TGM3: variants seen among roughly 807,000 people sequenced by gnomAD.
TGM3 encodes protein-glutamine gamma-glutamyltransferase E.
TGM3 carries 52 observed loss-of-function variants against 73.8 expected under a neutral mutation model. That is an observed-to-expected ratio of 0.70 (90% confidence interval 0.56 to 0.89). The LOEUF is 0.89. Ranked by LOEUF, TGM3 falls within the 40% of genes least tolerant of loss-of-function variation. TGM3 has a pLI of 0.00. For synonymous variants in TGM3, 372 were observed against 354.9 expected, an observed-to-expected ratio of 1.05 and a Z score of -0.54; for missense variants, 928 against 909.9, an observed-to-expected ratio of 1.02 and a Z score of -0.26.
At chr20:2,325,115 T>C (rs1401726273) in intron 7 of TGM3, among the ~76,000 whole-genome samples, 1 of 152,194 alleles carries the variant, frequency 6.6e-6, no homozygotes, top group Non-Finnish European at 1.5e-5. Context: ...GACTAGAACT[T>C]GGATTTATGT....
Position 2,332,586 on chromosome 20 carries a change from C to T in TGM3, c.1642+276C>T, listed in dbSNP as rs1037640052. On this transcript the variant is annotated intron_variant, in intron 10 of 12. Coordinates refer to ENST00000381458, the MANE Select transcript of TGM3 (RefSeq NM_003245.4). The surrounding 1 kb of genome is among the most constrained non-coding windows in gnomAD (Gnocchi z 4.4). Reference sequence around the variant, plus strand: ...CAGTTCATAGCTATGGCACAATATCCCTTACAAGTATATACCACCTCACAC... The same window carrying T: ...CAGTTCATAGCTATGGCACAATATCTCTTACAAGTATATACCACCTCACAC... 6.6e-6 allele frequency among the ~76,000 whole-genome samples: 1 copy of T among 152,092 alleles called. No individual in the cohort carries two copies. The highest frequency in any genetic ancestry group is 2.4e-5 in the African/African-American group (1 of 41,400).
rs1401952629 is a variant in TGM3, at chr20:2,334,367, G to A, written c.1643-749G>A. ...GATTTTTGAAGTCACATGTGACACA[G>A]AAGAAGAGTGATTTAGAAAACAAAA... On this transcript the variant is annotated intron_variant, in intron 10 of 12. Transcript: ENST00000381458. The surrounding 1 kb of genome is among the most constrained non-coding windows in gnomAD (Gnocchi z 4.0). Among the ~76,000 whole-genome samples the A allele has an allele frequency of 6.6e-6, 1 of 152,224 alleles. No individual in the cohort carries two copies. The highest frequency in any genetic ancestry group is 2.4e-5 in the African/African-American group (1 of 41,452).
chr20:2,336,017 A>C lies in TGM3; in HGVS notation c.1800+744A>C, dbSNP rs117180488. Among the ~76,000 whole-genome samples the C allele has an allele frequency of 2.2e-4, 34 of 152,364 alleles. No individual in the cohort carries two copies. The East Asian group carries it at 6.6e-3, about 29-fold the overall frequency. On this transcript the variant is annotated intron_variant, in intron 11 of 12. Coordinates refer to ENST00000381458, the MANE Select transcript of TGM3 (RefSeq NM_003245.4). The stretch of plus-strand genomic sequence containing the variant: ...AGCAACAGCATCTTCAAAGTGGCTG[A>C]GAACAAAGACCCCTCTTTCTCTGCT...
chr20:2,298,489 G>T (rs1477825829), intron 1 of TGM3, among the ~76,000 whole-genome samples: 4 of 152,184 alleles, frequency 2.6e-5, no homozygotes, highest in Non-Finnish European at 4.4e-5. Flanking sequence ...CTCTGTTTTG[G>T]GGACTAATGG....
chr20:2,340,695 A>T lies in TGM3; in HGVS notation c.*114A>T. On this transcript the variant is annotated 3_prime_UTR_variant, in exon 13 of 13. Coordinates refer to ENST00000381458, the MANE Select transcript of TGM3 (RefSeq NM_003245.4). The stretch of plus-strand genomic sequence containing the variant: ...CCTGGGAAACCCTCTCCATCTCCCA[A>T]GGCTGCCAGACATGGACCTCCAGGC... 1 of 1,417,722 alleles carries T rather than the reference A, an allele frequency of 7.1e-7. No homozygotes were observed. Among genetic ancestry groups the T allele is most frequent in the Non-Finnish European group, 9.7e-7 (1 of 1,029,004 alleles). The allele number at this position is 1,417,722 out of a possible 1,614,324, so 87.8% of individuals were successfully genotyped here.
At chr20:2,319,147 C>T (rs142758151) in intron 7 of TGM3, among the ~76,000 whole-genome samples, 1 of 152,088 alleles carries the variant, frequency 6.6e-6, no homozygotes, top group Non-Finnish European at 1.5e-5. Context: ...TTCTTGTGTC[C>T]AAAATCCCAT....
At chr20:2,307,946 G>T (rs929918455) in intron 1 of TGM3, among the ~76,000 whole-genome samples, 1 of 152,142 alleles carries the variant, frequency 6.6e-6, no homozygotes, top group East Asian at 1.9e-4. Flanking sequence ...AGGGGGCCGG[G>T]TGCAGTGGCT....
At chr20:2,300,193 AAT>A (rs2084136328) in intron 1 of TGM3, among the ~76,000 whole-genome samples, 1 of 148,674 alleles carries the variant, frequency 6.7e-6, no homozygotes, top group Non-Finnish European at 1.5e-5. Flanking sequence ...AAGAGAAAGA[AAT>A]AGAAAGAGAA....
intron 10 of TGM3, among the ~76,000 whole-genome samples, chr20:2,333,667 A>T (rs1329870838): frequency 6.6e-6 from 1 of 152,178 alleles, no homozygotes; most frequent in Non-Finnish European, 1.5e-5. Context: ...AAGTGCTGGG[A>T]TTACAGGCAT....
intron 7 of TGM3, 63 bp downstream of exon 7, chr20:2,317,548 C>A: frequency 3.1e-6 from 5 of 1,601,356 alleles, no homozygotes; most frequent in African/African-American, 1.3e-5. Flanking sequence ...TCGCTCTCAC[C>A]ATCCTTCTGG....
intron 7 of TGM3, among the ~76,000 whole-genome samples, chr20:2,321,305 TA>T (rs1425712314): frequency 4.6e-5 from 7 of 152,210 alleles, no homozygotes; most frequent in African/African-American, 1.7e-4. Flanking sequence ...ACAGCTGCAT[TA>T]AAAGCTTGGC....
In TGM3 at chr20:2,328,934, T is replaced by C. The variant is rs993332887; in HGVS notation, c.1333+569T>C. Among the ~76,000 whole-genome samples the C allele has an allele frequency of 6.6e-5, 10 of 152,296 alleles. No individual in the cohort carries two copies. Among genetic ancestry groups the C allele is most frequent in the African/African-American group, 2.4e-4 (10 of 41,578 alleles). On this transcript the variant is annotated intron_variant, in intron 9 of 12. Transcript: ENST00000381458. The surrounding 1 kb of genome is among the most constrained non-coding windows in gnomAD (Gnocchi z 5.2). Reference sequence around the variant, plus strand: ...TGCTACATTGCTCGTCCCCCTGAAGTCACCTTGGAAAGCCAGTTGCTGCGA... The same window carrying C: ...TGCTACATTGCTCGTCCCCCTGAAGCCACCTTGGAAAGCCAGTTGCTGCGA...
chr20:2,328,090 T>C lies in TGM3; in HGVS notation c.1088-30T>C, dbSNP rs1217384354. On this transcript the variant is annotated intron_variant, in intron 8 of 12. Coordinates refer to ENST00000381458, the MANE Select transcript of TGM3 (RefSeq NM_003245.4). This position sits in a 1 kb window ranked among gnomAD's most constrained non-coding sequence, Gnocchi z 5.2. ...CACTGGGTAGGTTGTGGCCTTGGCATATATCCAGCCTCTGCATCTTGGCCT... is the reference window on the plus strand; with the variant it reads ...CACTGGGTAGGTTGTGGCCTTGGCACATATCCAGCCTCTGCATCTTGGCCT... 1.9e-6 allele frequency: 3 copies of C among 1,613,742 alleles called. No homozygotes were observed. The highest frequency in any genetic ancestry group is 1.7e-6 in the Non-Finnish European group (2 of 1,179,738).
intron 7 of TGM3, among the ~76,000 whole-genome samples, chr20:2,325,443 T>C (rs556027823): frequency 6.6e-6 from 1 of 152,166 alleles, no homozygotes; most frequent in Non-Finnish European, 1.5e-5. Flanking sequence ...CACAGAAGCA[T>C]ACCCCGCCAG....
At chr20:2,333,153 G>T (rs1251879330) in intron 10 of TGM3, among the ~76,000 whole-genome samples, 1 of 152,190 alleles carries the variant, frequency 6.6e-6, no homozygotes, top group Non-Finnish European at 1.5e-5. Flanking sequence ...GGGCAGGGTG[G>T]TTATTTGCTT....
chr20:2,303,983 T>G (rs1239469340), intron 1 of TGM3, among the ~76,000 whole-genome samples: 3 of 152,212 alleles, frequency 2.0e-5, no homozygotes, highest in African/African-American at 7.2e-5. Context: ...CCCGCTGATG[T>G]CTTTTAAGTG....
At chr20:2,300,330 G>T (rs1181897824) in intron 1 of TGM3, among the ~76,000 whole-genome samples, 4 of 152,234 alleles carry the variant, frequency 2.6e-5, no homozygotes, top group African/African-American at 9.6e-5. Context: ...AATTGAATTT[G>T]CCTGGGATGG....
chr20:2,315,432 T>C (rs572893768), intron 5 of TGM3, among the ~76,000 whole-genome samples: 102 of 152,352 alleles, frequency 6.7e-4, no homozygotes, highest in African/African-American at 2.4e-3. Context: ...GGCCCTGTCT[T>C]GCCTGACTCT....
chr20:2,324,091 A>G (rs577521631), intron 7 of TGM3, among the ~76,000 whole-genome samples: 1 of 152,024 alleles, frequency 6.6e-6, no homozygotes, highest in African/African-American at 2.4e-5. Flanking sequence ...AAATTGGATA[A>G]TTTCTAGTCA....
Sources: gnomAD v4.1 joint callset for allele counts (sites outside exome capture counted in the v4.1 genomes callset) on GRCh38, gnomAD v4.1.1 for gene constraint, Gnocchi (gnomAD v3.1) non-coding constraint, MANE v1.5 for transcripts, NCBI Gene and HGNC (gene_info 2026-07-23, HGNC 2026-07-21) for gene names.